Variants in ZNF510 observed in about 807,000 individuals in gnomAD.
ZNF510 encodes the protein zinc finger protein 510.
A neutral mutation model predicts 18.1 loss-of-function variants in ZNF510; 15 were observed. The observed-to-expected ratio is 0.83, with a 90% CI of 0.55 to 1.28. The LOEUF is 1.28. ZNF510 is among the 50% of genes most tolerant of loss of function. The probability of loss-of-function intolerance (pLI) is 0.00; values close to 1 mark genes in which losing one functional copy is unlikely to be tolerated. For missense variants in ZNF510, 724 were observed against 791.8 expected (o/e 0.91, Z 1.03); for synonymous variants, 261 against 266.4 (o/e 0.98, Z 0.20).
At position 96,760,170 on chromosome 9, in the gene ZNF510, C is replaced by A. The variant is rs139047033; in HGVS notation, c.660G>T (p.Gln220His). ...SPFKINFEKT[Q>H]TGEKFYEHNK... is the part of the protein sequence containing the mutation. ...TATGTTCATAAAATTTCTCTCCAGT[C>A]TGAGTTTTCTCAAAGTTAATTTTGA... Residue 220 changes from glutamine (Q) to histidine (H), a missense_variant, in exon 6 of 6, where the codon CAG (glutamine) becomes CAT (histidine). Coordinates refer to ENST00000223428, the MANE Select transcript of ZNF510 (RefSeq NM_014930.3). The A allele has an allele frequency of 6.2e-7, 1 of 1,612,822 alleles. No individual in the cohort carries two copies. The highest frequency in any genetic ancestry group is 1.3e-5 in the African/African-American group (1 of 74,982).
chr9:96,775,067 T>G (rs1038657325), intron 2 of ZNF510, among the ~76,000 whole-genome samples: 1 of 111,796 alleles, frequency 8.9e-6, no homozygotes, highest in Non-Finnish European at 1.5e-5. Flanking sequence ...GTTTTTTTGT[T>G]TTTTTTTTTT....
intron 3 of ZNF510, among the ~76,000 whole-genome samples, chr9:96,770,047 T>C (rs959596931): frequency 5.3e-5 from 8 of 152,122 alleles, no homozygotes; most frequent in African/African-American, 1.9e-4. Context: ...ACCATATGAG[T>C]CAGAAGTTCC....
At chr9:96,768,333 T>A (rs1310768042) in intron 3 of ZNF510, among the ~76,000 whole-genome samples, 2 of 152,188 alleles carry the variant, frequency 1.3e-5, no homozygotes, top group African/African-American at 4.8e-5. Flanking sequence ...TTTCATCATT[T>A]CTATTCATTA....
At chr9:96,766,811 G>GGA (rs891871394) in intron 3 of ZNF510, among the ~76,000 whole-genome samples, 3 of 149,944 alleles carry the variant, frequency 2.0e-5, no homozygotes, top group Admixed American at 6.6e-5. Context: ...CAAACTATTA[G>GGA]GAGAGAGAGA....
intron 3 of ZNF510, among the ~76,000 whole-genome samples, chr9:96,765,446 G>C (rs1490460640): frequency 6.6e-6 from 1 of 151,912 alleles, no homozygotes; most frequent in Non-Finnish European, 1.5e-5. Flanking sequence ...CTGTAAATAA[G>C]TGTCCACTTC....
In ZNF510 at chr9:96,758,418, T is replaced by C. The variant is rs909207695; in HGVS notation, c.*360A>G. 1.7e-5 allele frequency: 3 copies of C among 180,696 alleles called. No individual in the cohort carries two copies. The highest frequency in any genetic ancestry group is 1.2e-5 in the Non-Finnish European group (1 of 86,710). The allele number at this position is 180,696 out of a possible 1,614,324, so 11.2% of individuals were successfully genotyped here. ...AGACCAACCTGGATGAAAAGGAGATTGGGAAATCTGGACTATGTGCCTGGA... is the reference window on the plus strand; with the variant it reads ...AGACCAACCTGGATGAAAAGGAGATCGGGAAATCTGGACTATGTGCCTGGA... On this transcript the variant is annotated 3_prime_UTR_variant, in exon 6 of 6. Coordinates refer to ENST00000223428, the MANE Select transcript of ZNF510 (RefSeq NM_014930.3).
Position 96,775,992 on chromosome 9 carries a change from C to T in ZNF510, c.70+8G>A, listed in dbSNP as rs142032998. Reference sequence around the variant, plus strand: ...GACAGTCACCCACGCCTCTCAACCCCAGCTTACCACCTTCTGCAAGTTGGC... The same window carrying T: ...GACAGTCACCCACGCCTCTCAACCCTAGCTTACCACCTTCTGCAAGTTGGC... On this transcript the variant is annotated splice_region_variant and intron_variant, in intron 2 of 5. Coordinates refer to ENST00000223428, the MANE Select transcript of ZNF510 (RefSeq NM_014930.3). 2,722 of 1,606,286 alleles carry T rather than the reference C, an allele frequency of 1.7e-3. 29 individuals carry two copies. The Admixed American group carries it at 0.021, about 12-fold the overall frequency.
intron 3 of ZNF510, among the ~76,000 whole-genome samples, chr9:96,767,654 C>G (rs1320021202): frequency 1.3e-5 from 2 of 152,220 alleles, no homozygotes; most frequent in Non-Finnish European, 2.9e-5. Context: ...TAGAAACACA[C>G]AAACCACCAA....
intron 3 of ZNF510, among the ~76,000 whole-genome samples, chr9:96,765,945 T>C (rs1269152417): frequency 6.6e-6 from 1 of 152,210 alleles, no homozygotes; most frequent in Non-Finnish European, 1.5e-5. Context: ...GCATTAGTTA[T>C]GGTGTTGTTG....
At chr9:96,773,151 CAT>C (rs1849618251) in intron 3 of ZNF510, among the ~76,000 whole-genome samples, 1 of 152,108 alleles carries the variant, frequency 6.6e-6, no homozygotes, top group Non-Finnish European at 1.5e-5. Flanking sequence ...TTTTCCCTAA[CAT>C]ATGAGGTCAG....
chr9:96,776,071 AC>A lies in ZNF510; in HGVS notation c.-3del. ...GATGGCTTCTGGATGTGGCGACATC[AC>A]CAAGTCTGGTGCTCTCTGGGCAAGG... On this transcript the variant is annotated 5_prime_UTR_variant, in exon 2 of 6. Transcript: ENST00000223428. The A allele has an allele frequency of 6.2e-7, 1 of 1,601,034 alleles. No homozygotes were observed. Among genetic ancestry groups the A allele is most frequent in the Non-Finnish European group, 8.5e-7 (1 of 1,172,958 alleles).
chr9:96,768,418 C>T (rs972149844), intron 3 of ZNF510, among the ~76,000 whole-genome samples: 1 of 152,116 alleles, frequency 6.6e-6, no homozygotes, highest in African/African-American at 2.4e-5. Flanking sequence ...GTAAAACTAT[C>T]TCTATTCTCA....
At position 96,760,111 on chromosome 9, in the gene ZNF510, T is replaced by C. The variant is rs762951747; in HGVS notation, c.719A>G (p.Asn240Ser). The change falls in exon 6 of 6, where the codon AAT becomes AGT. Residue 240 changes from asparagine (N) to serine (S), a missense_variant. Asn to Ser is a conservative substitution (Grantham distance 46). Coordinates refer to ENST00000223428, the MANE Select transcript of ZNF510 (RefSeq NM_014930.3). Reference sequence around the variant, plus strand: ...TTGAAACTTTGGATGCTTGGGAAGATTTTCATTATAATTGAGAGCTTTCAT... The same window carrying C: ...TTGAAACTTTGGATGCTTGGGAAGACTTTCATTATAATTGAGAGCTTTCAT... Reference protein sequence around the residue: ...KNMKALNYNENLPKHPKFQTL... With the variant: ...KNMKALNYNESLPKHPKFQTL... 1.7e-5 allele frequency: 28 copies of C among 1,608,650 alleles called. No homozygotes were observed. Among genetic ancestry groups the C allele is most frequent in the Non-Finnish European group, 2.1e-5 (25 of 1,178,332 alleles).
In ZNF510 at chr9:96,756,188, C is replaced by T. The variant is rs1368324296; in HGVS notation, c.*2590G>A. On this transcript the variant is annotated 3_prime_UTR_variant, in exon 6 of 6. Transcript: ENST00000223428. ...CCAATTAGAATATCAAATATCTAGG[C>T]CACATCCAGAGCCAAGGCTTAACAA... 1 of 152,194 alleles carries T rather than the reference C, an allele frequency of 6.6e-6. No individual in the cohort carries two copies. The highest frequency in any genetic ancestry group is 2.4e-5 in the African/African-American group (1 of 41,432). 9.4% of individuals were successfully genotyped at this position (152,194 alleles called of 1,614,324 possible).
chr9:96,767,673 CAAAAA>C (rs1165759433), intron 3 of ZNF510, among the ~76,000 whole-genome samples: 7 of 152,038 alleles, frequency 4.6e-5, no homozygotes, highest in African/African-American at 1.4e-4. Context: ...AAAATGGACT[CAAAAA>C]GAAACAGAAC....
chr9:96,775,153 G>A (rs2118076127), intron 2 of ZNF510, among the ~76,000 whole-genome samples: 1 of 151,710 alleles, frequency 6.6e-6, no homozygotes, highest in African/African-American at 2.4e-5. Context: ...TCTGCCTCCT[G>A]GGTTCATGCA....
chr9:96,762,713 G>GAA (rs1053773203), intron 5 of ZNF510, among the ~76,000 whole-genome samples: 3 of 152,032 alleles, frequency 2.0e-5, no homozygotes, highest in African/African-American at 7.2e-5. Context: ...TGTGCTCCAT[G>GAA]AAAACTAATG....
chr9:96,770,538 T>C (rs1849563774), intron 3 of ZNF510, among the ~76,000 whole-genome samples: 1 of 151,588 alleles, frequency 6.6e-6, no homozygotes, highest in African/African-American at 2.4e-5. Context: ...AGGGGGCGGA[T>C]GTTGCAGTGA....
At chr9:96,760,525 G>A (rs1280801219) in intron 5 of ZNF510, 48 bp from the exon 6 acceptor site, 1 of 1,491,928 alleles carries the variant, frequency 6.7e-7, no homozygotes, top group Admixed American at 2.2e-5. Context: ...CATCTTCTGT[G>A]GGTAGAGCTT....
Sources: gnomAD v4.1 joint callset for allele counts (sites outside exome capture counted in the v4.1 genomes callset) on GRCh38, gnomAD v4.1.1 for gene constraint, MANE v1.5 for transcripts, NCBI Gene and HGNC (gene_info 2026-07-23, HGNC 2026-07-21) for gene names.